Variants in SMURF1 observed in about 807,000 individuals in gnomAD.
SMURF1 encodes E3 ubiquitin-protein ligase SMURF1.
In SMURF1, 44 loss-of-function variants were observed where a neutral mutation model predicts 98.0. The observed-to-expected ratio is 0.45, with a 90% CI of 0.35 to 0.58. The LOEUF is 0.58. Among genes scored for constraint, SMURF1 ranks in the 20% least tolerant of loss-of-function variants. The pLI, the probability that SMURF1 is intolerant of heterozygous loss-of-function variation, is 0.00. For missense variants in SMURF1, 687 were observed against 938.4 expected (o/e 0.73, Z 3.50); for synonymous variants, 396 against 374.9 (o/e 1.06, Z -0.65).
intron 1 of SMURF1, among the ~76,000 whole-genome samples, chr7:99,063,597 G>A (rs148392646): frequency 6.6e-6 from 1 of 151,316 alleles, no homozygotes; most frequent in African/African-American, 2.4e-5. Flanking sequence ...ACCAAGATAC[G>A]ATTTATATAC....
chr7:99,044,611 CTTA>C (rs1795513434), intron 11 of SMURF1, among the ~76,000 whole-genome samples: 1 of 152,064 alleles, frequency 6.6e-6, no homozygotes, highest in African/African-American at 2.4e-5. Flanking sequence ...ATATCCTGTT[CTTA>C]TGCAAATGAG....
intron 1 of SMURF1, among the ~76,000 whole-genome samples, chr7:99,121,898 C>G (rs1432780172): frequency 1.3e-5 from 2 of 152,198 alleles, no homozygotes; most frequent in African/African-American, 4.8e-5. Flanking sequence ...GGACTCTCTG[C>G]AGGAACCAGG....
At chr7:99,060,206 C>T (rs1291758095) in intron 3 of SMURF1, among the ~76,000 whole-genome samples, 1 of 151,866 alleles carries the variant, frequency 6.6e-6, no homozygotes, top group East Asian at 2.0e-4. Context: ...GGTGAAACCC[C>T]ATCTCTACTA....
chr7:99,069,616 C>T (rs1305202777), intron 1 of SMURF1, among the ~76,000 whole-genome samples: 1 of 152,150 alleles, frequency 6.6e-6, no homozygotes, highest in African/African-American at 2.4e-5. Context: ...CTCAGCCTCC[C>T]CAAGTGCTGT....
rs752872572 is a variant in SMURF1 at position 99,057,596 on chromosome 7, T to TTG, written c.204-46_204-45insCA. ...CTCATTTTTAATTGTGTTTGGTTTT[T>TTG]TTTGTTTTGTTTTTTTTTTTTTTTG... On this transcript the variant is annotated intron_variant, in intron 3 of 17. Transcript: ENST00000361368. The TTG allele has an allele frequency of 3.9e-4, 556 of 1,428,532 alleles. 8 individuals are homozygous for TTG. The African/African-American group carries it at 8.7e-3, about 22-fold the overall frequency. The allele number at this position is 1,428,532 out of a possible 1,614,324, so 88.5% of individuals were successfully genotyped here.
At chr7:99,075,571 C>T (rs188287053) in intron 1 of SMURF1, among the ~76,000 whole-genome samples, 253 of 151,042 alleles carry the variant, frequency 1.7e-3, no homozygotes, top group African/African-American at 6.0e-3. Context: ...GGGAATTAAG[C>T]GTTGGGATTG....
Position 99,143,940 on chromosome 7 carries a change from CG to C in SMURF1, c.-161del, listed in dbSNP as rs1320836705. The C allele has an allele frequency of 2.0e-6, 1 of 507,240 alleles. No homozygotes were observed. Among genetic ancestry groups the C allele is most frequent in the Admixed American group, 4.6e-5 (1 of 21,636 alleles). The allele number at this position is 507,240 out of a possible 1,614,324, so 31.4% of individuals were successfully genotyped here. A position where few individuals can be genotyped will look rare whatever the true frequency, so the allele number is the denominator to read the frequency against. On this transcript the variant is annotated 5_prime_UTR_variant, in exon 1 of 18. Coordinates refer to ENST00000361368, the MANE Select transcript of SMURF1 (RefSeq NM_181349.3). Reference sequence around the variant, plus strand: ...GCGGCCCAGGCGTCCGGGCGGCAGGCGGATGGTCGAGCCGGGAGATCGGCGC... The same window carrying C: ...GCGGCCCAGGCGTCCGGGCGGCAGGCGATGGTCGAGCCGGGAGATCGGCGC...
At chr7:99,143,006 T>G (rs536794952) in intron 1 of SMURF1, among the ~76,000 whole-genome samples, 1 of 137,580 alleles carries the variant, frequency 7.3e-6, no homozygotes. Context: ...TGAGGGCCGA[T>G]GCTAGGAAAG....
intron 16 of SMURF1, among the ~76,000 whole-genome samples, chr7:99,034,482 C>G (rs1562995695): frequency 6.6e-6 from 1 of 152,178 alleles, no homozygotes; most frequent in African/African-American, 2.4e-5. Context: ...GCCCTGCCTC[C>G]CCACTCACAC....
intron 17 of SMURF1, among the ~76,000 whole-genome samples, chr7:99,032,685 CAA>C (rs1562994570): frequency 6.6e-6 from 1 of 152,048 alleles, no homozygotes; most frequent in African/African-American, 2.4e-5. Context: ...AAAACTAAAT[CAA>C]GAGAAAATCT....
At chr7:99,129,608 T>C (rs906056543) in intron 1 of SMURF1, among the ~76,000 whole-genome samples, 2 of 152,178 alleles carry the variant, frequency 1.3e-5, no homozygotes, top group African/African-American at 4.8e-5. Flanking sequence ...CCCCAGCTGG[T>C]CTCAAACTCC....
intron 1 of SMURF1, among the ~76,000 whole-genome samples, chr7:99,087,522 C>T (rs1298858325): frequency 6.6e-6 from 1 of 151,758 alleles, no homozygotes; most frequent in African/African-American, 2.4e-5. Context: ...CGGAACAATA[C>T]ATTTTAAATA....
chr7:99,063,222 ATATATATATAAGATTTATT>A, intron 1 of SMURF1, among the ~76,000 whole-genome samples: 1 of 123,964 alleles, frequency 8.1e-6, no homozygotes, highest in Non-Finnish European at 1.6e-5. Context: ...CAAGATATAT[ATATATATATAAGATTTATT>A]TATATATATA....
intron 1 of SMURF1, among the ~76,000 whole-genome samples, chr7:99,130,796 A>C (rs1797856304): frequency 6.6e-6 from 1 of 152,148 alleles, no homozygotes. Context: ...CAAACAACCC[A>C]AGTCTGTATT....
At chr7:99,122,736 T>C (rs1797664789) in intron 1 of SMURF1, among the ~76,000 whole-genome samples, 2 of 121,620 alleles carry the variant, frequency 1.6e-5, no homozygotes, top group South Asian at 3.0e-4. Flanking sequence ...AGGGCTTTTT[T>C]CTTTCTTTCT....
chr7:99,051,137 T>C (rs1455062673), intron 8 of SMURF1: 1 of 842,114 alleles, frequency 1.2e-6, no homozygotes, highest in Non-Finnish European at 1.9e-6. Flanking sequence ...ACAATGATCA[T>C]GGTCAACCTT....
intron 1 of SMURF1, among the ~76,000 whole-genome samples, chr7:99,079,621 T>C (rs1584154771): frequency 6.6e-6 from 1 of 152,170 alleles, no homozygotes; most frequent in African/African-American, 2.4e-5. Context: ...ATCTCCCAAA[T>C]TGATAAACAG....
At chr7:99,092,188 G>A (rs370699828) in intron 1 of SMURF1, among the ~76,000 whole-genome samples, 6 of 152,090 alleles carry the variant, frequency 3.9e-5, no homozygotes, top group African/African-American at 1.4e-4. Flanking sequence ...ATCACCTATC[G>A]AGGACTCAAA....
At chr7:99,035,189 C>G (rs1306079453) in intron 16 of SMURF1, among the ~76,000 whole-genome samples, 2 of 152,218 alleles carry the variant, frequency 1.3e-5, no homozygotes, top group Non-Finnish European at 2.9e-5. Flanking sequence ...GCTCCCTCCC[C>G]GGGATCTTGG....
Sources: gnomAD v4.1 joint callset for allele counts (sites outside exome capture counted in the v4.1 genomes callset) on GRCh38, gnomAD v4.1.1 for gene constraint, MANE v1.5 for transcripts, NCBI Gene and HGNC (gene_info 2026-07-23, HGNC 2026-07-21) for gene names.